The following MYO7B variants were observed in gnomAD, a reference collection of about 807,000 sequenced individuals.
MYO7B encodes the protein myosin VIIB.
MYO7B carries 212 observed loss-of-function variants against 259.7 expected under a neutral mutation model. The ratio of observed to expected loss-of-function variants is 0.82; its 90% CI spans 0.73 to 0.91. The LOEUF is 0.91. Ranked by LOEUF, MYO7B falls within the 40% of genes least tolerant of loss-of-function variation. The pLI, the probability that MYO7B is intolerant of heterozygous loss-of-function variation, is 0.00. For missense variants in MYO7B, 2,732 were observed against 2,813.5 expected, an observed-to-expected ratio of 0.97 and a Z score of 0.66; for synonymous variants, 1,197 against 1,166.4, an observed-to-expected ratio of 1.03 and a Z score of -0.54.
chr2:127,586,868 G>A lies in MYO7B; in HGVS notation c.1691-1524G>A, dbSNP rs1385017546. Among the ~76,000 whole-genome samples, 2 of 152,034 alleles carry A rather than the reference G, an allele frequency of 1.3e-5. No individual in the cohort carries two copies. The highest frequency in any genetic ancestry group is 1.3e-4 in the Admixed American group (2 of 15,256). ...ACCCTCCCCACCCTTAAAACATCCAGGGAGCTCCCTGCCCCTGGTGGGGAG... is the reference window on the plus strand; with the variant it reads ...ACCCTCCCCACCCTTAAAACATCCAAGGAGCTCCCTGCCCCTGGTGGGGAG... On this transcript the variant is annotated intron_variant, in intron 14 of 47. Transcript: ENST00000409816. The surrounding 1 kb of genome is among the most constrained non-coding windows in gnomAD (Gnocchi z 4.8).
At chr2:127,537,723 A>G (rs1302217279) in intron 1 of MYO7B, among the ~76,000 whole-genome samples, 1 of 151,020 alleles carries the variant, frequency 6.6e-6, no homozygotes, top group Non-Finnish European at 1.5e-5. Flanking sequence ...GGAGAAGGAG[A>G]AGGAGGAGGA....
In MYO7B at chr2:127,607,415, G is replaced by A. The variant is rs568364881; in HGVS notation, c.2634G>A (p.Arg878=). The part of the protein sequence containing the change: ...GMAARRNFQQ[R]KANAPLVIPA... The stretch of plus-strand genomic sequence containing the variant: ...CTGCCCGGCGCAACTTCCAGCAAAG[G>A]AAGGCCAATGTAGGTGGTCACCTGG... The change falls in exon 21 of 48, where the codon AGG becomes AGA. Residue 878 remains arginine, a synonymous_variant. Coordinates refer to ENST00000409816, the MANE Select transcript of MYO7B (RefSeq NM_001393586.1). This position sits in a 1 kb window ranked among gnomAD's most constrained non-coding sequence, Gnocchi z 4.4. 5 of 1,550,996 alleles carry A rather than the reference G, an allele frequency of 3.2e-6. No individual in the cohort carries two copies. The South Asian group carries it at 4.8e-5, about 15-fold the overall frequency.
Position 127,590,611 on chromosome 2 carries a change from G to C in MYO7B, c.1992+382G>C, listed in dbSNP as rs1029394995. ...CCATATGTAAACCACACTCAACAAA[G>C]GCAGAAATCAGTAATAGGACTTTAG... On this transcript the variant is annotated intron_variant, in intron 16 of 47. Coordinates refer to ENST00000409816, the MANE Select transcript of MYO7B (RefSeq NM_001393586.1). The surrounding 1 kb of genome is among the most constrained non-coding windows in gnomAD (Gnocchi z 4.6). 6.6e-6 allele frequency among the ~76,000 whole-genome samples: 1 copy of C among 152,222 alleles called. No individual in the cohort carries two copies. The highest frequency in any genetic ancestry group is 2.4e-5 in the African/African-American group (1 of 41,458).
chr2:127,604,535 G>A (rs747339534), intron 19 of MYO7B, among the ~76,000 whole-genome samples: 33 of 152,054 alleles, frequency 2.2e-4, no homozygotes, highest in Non-Finnish European at 2.9e-4. Context: ...GGAACTTTTC[G>A]TTCGTATTCA....
At chr2:127,593,868 T>C (rs13384543) in intron 18 of MYO7B, among the ~76,000 whole-genome samples, 133 of 152,190 alleles carry the variant, frequency 8.7e-4, no homozygotes, top group African/African-American at 3.1e-3. Flanking sequence ...GCCCAGCCTG[T>C]GGAAGCCCAG....
At chr2:127,564,293 C>T (rs985437582) in intron 3 of MYO7B, 27 bp downstream of exon 3, 3 of 1,504,690 alleles carry the variant, frequency 2.0e-6, no homozygotes. Flanking sequence ...TTCCTCTGGG[C>T]CCTGCCCTGC....
chr2:127,631,174 G>A, intron 36 of MYO7B, 32 bp from the exon 37 acceptor site: 2 of 1,562,652 alleles, frequency 1.3e-6, no homozygotes, highest in Non-Finnish European at 1.7e-6. Flanking sequence ...AAGGCCACAG[G>A]GCAGGCCTCA....
intron 26 of MYO7B, among the ~76,000 whole-genome samples, chr2:127,618,751 C>T (rs1266508809): frequency 2.6e-4 from 39 of 152,172 alleles, no homozygotes; most frequent in Admixed American, 2.5e-3. Flanking sequence ...TGGATTCCAT[C>T]CTAAGGGAAG....
rs1681442246 is a variant in MYO7B, at chr2:127,630,813, G to T, written c.4842G>T (p.Leu1614=). The T allele has an allele frequency of 1.9e-6, 3 of 1,613,080 alleles. No homozygotes were observed. The highest frequency in any genetic ancestry group is 2.5e-6 in the Non-Finnish European group (3 of 1,179,776). The change falls in exon 36 of 48, where the codon CTG becomes CTT. Residue 1614 remains leucine, a synonymous_variant. Coordinates refer to ENST00000409816, the MANE Select transcript of MYO7B (RefSeq NM_001393586.1). ...CCATGTCACCAGAGAAGAGGAAGCT[G>T]GCGGCTCAGGAGGGGCAGTTCACAG... is the stretch of plus-strand genomic sequence containing the variant. ...LLAMSPEKRK[L]AAQEGQFTEP...
At chr2:127,573,083 C>CGA (rs959328712) in intron 6 of MYO7B, among the ~76,000 whole-genome samples, 6 of 152,108 alleles carry the variant, frequency 3.9e-5, no homozygotes, top group Admixed American at 1.3e-4. Flanking sequence ...TGGGATTCCT[C>CGA]GAGAGAGAGA....
intron 43 of MYO7B, 55 bp downstream of exon 43, chr2:127,635,281 T>TGA: frequency 6.6e-7 from 1 of 1,507,702 alleles, no homozygotes; most frequent in Non-Finnish European, 9.1e-7. Context: ...TTCCCACACC[T>TGA]GTTCTGAGGC....
intron 2 of MYO7B, among the ~76,000 whole-genome samples, chr2:127,563,395 C>T (rs1200787852): frequency 6.6e-6 from 1 of 152,224 alleles, no homozygotes; most frequent in Non-Finnish European, 1.5e-5. Flanking sequence ...TAGCAGAAAT[C>T]TCACATGTGA....
In MYO7B at chr2:127,566,723, C is replaced by T. The variant is rs1229973052; in HGVS notation, c.366C>T (p.Tyr122=). The T allele has an allele frequency of 6.2e-7, 1 of 1,612,038 alleles. No individual in the cohort carries two copies. ...ACACCCTGGAGCAGGTACAGCTCTA[C>T]TACAGCCGCCATATGGGCGAGCTGC... ...PLYTLEQVQL[Y]YSRHMGELPP... is the part of the protein sequence containing the mutation. The change falls in exon 5 of 48, where the codon TAC becomes TAT. Residue 122 remains tyrosine, a synonymous_variant. Transcript: ENST00000409816.
chr2:127,616,132 A>G (rs1389487985), intron 26 of MYO7B, among the ~76,000 whole-genome samples: 2 of 152,242 alleles, frequency 1.3e-5, no homozygotes, highest in Non-Finnish European at 2.9e-5. Context: ...ACCGCGGGGT[A>G]AAACTCCACT....
intron 1 of MYO7B, among the ~76,000 whole-genome samples, chr2:127,550,558 CAA>C (rs11354503): frequency 1.9e-3 from 267 of 141,242 alleles, no homozygotes; most frequent in Non-Finnish European, 1.9e-3. Context: ...ACTCTGTCTC[CAA>C]AAAAAAAAAA....
chr2:127,574,114 C>T, intron 7 of MYO7B, 52 bp downstream of exon 7: 1 of 1,605,752 alleles, frequency 6.2e-7, no homozygotes, highest in South Asian at 1.1e-5. Flanking sequence ...GGGAGGTTTC[C>T]AAGAGGGGCC....
chr2:127,592,739 G>A (rs1245111725), intron 16 of MYO7B, 55 bp from the exon 17 acceptor site: 2 of 1,570,102 alleles, frequency 1.3e-6, no homozygotes, highest in East Asian at 2.3e-5. Context: ...GCCGGGAAGG[G>A]GGGTGGCTGG....
At chr2:127,620,574 C>A in intron 27 of MYO7B, 108 bp downstream of exon 27, 1 of 1,289,012 alleles carries the variant, frequency 7.8e-7, no homozygotes, top group Non-Finnish European at 1.0e-6. Context: ...TGGCCCATTT[C>A]TCCTGCTCCT....
At position 127,564,263 on chromosome 2, in the gene MYO7B, C is replaced by T. The variant is rs1438788032; in HGVS notation, c.129C>T (p.Gly43=). ...PGKVLVEDDE[G]KEHWIRAEDF... ...AAGTCTTGGTTGAAGATGACGAGGG[C>T]AAGGTCAGTGTTCTGGGGTTTCCTC... Residue 43 remains glycine (G), a synonymous_variant, in exon 3 of 48, where the codon GGC becomes GGT. Coordinates refer to ENST00000409816, the MANE Select transcript of MYO7B (RefSeq NM_001393586.1). 1.3e-6 allele frequency: 2 copies of T among 1,566,412 alleles called. No individual in the cohort carries two copies. The highest frequency in any genetic ancestry group is 1.7e-6 in the Non-Finnish European group (2 of 1,155,246).
Sources: allele counts gnomAD v4.1 joint callset (sites outside exome capture counted in the v4.1 genomes callset), GRCh38; gene constraint gnomAD v4.1.1; non-coding constraint Gnocchi (gnomAD v3.1); transcripts MANE v1.5; gene names NCBI Gene and HGNC (gene_info 2026-07-23, HGNC 2026-07-21).